MARCHF4: variants seen among roughly 807,000 people sequenced by gnomAD.
MARCHF4 encodes the protein E3 ubiquitin-protein ligase MARCHF4.
MARCHF4 carries 14 observed loss-of-function variants against 43.9 expected under a neutral mutation model. That is an observed-to-expected ratio of 0.32 (90% CI 0.21 to 0.50). MARCHF4 has a LOEUF of 0.50. Ranked by LOEUF, MARCHF4 falls within the 20% of genes least tolerant of loss-of-function variation. The pLI, the probability that MARCHF4 is intolerant of heterozygous loss-of-function variation, is 0.98. For missense variants in MARCHF4, 468 were observed against 536.7 expected (o/e 0.87, Z 1.27); for synonymous variants, 226 against 213.3 (o/e 1.06, Z -0.52).
At chr2:216,281,156 CCTCTTGTG>C (rs1691121892) in intron 2 of MARCHF4, among the ~76,000 whole-genome samples, 1 of 148,496 alleles carries the variant, frequency 6.7e-6, no homozygotes, top group Non-Finnish European at 1.5e-5. Flanking sequence ...ACAACCTAGA[CCTCTTGTG>C]CTCAAATAAT....
chr2:216,274,982 G>T (rs935981112), intron 3 of MARCHF4, among the ~76,000 whole-genome samples: 1 of 152,190 alleles, frequency 6.6e-6, no homozygotes, highest in African/African-American at 2.4e-5. Context: ...AGCAAGTAGG[G>T]TCCCTCTGCA....
At chr2:216,322,012 A>G (rs1409615401) in intron 1 of MARCHF4, among the ~76,000 whole-genome samples, 1 of 152,196 alleles carries the variant, frequency 6.6e-6, no homozygotes, top group Non-Finnish European at 1.5e-5. Flanking sequence ...CCTTTGTTTT[A>G]CAAGTTGCTG....
At chr2:216,274,576 A>G (rs984346597) in intron 3 of MARCHF4, among the ~76,000 whole-genome samples, 3 of 152,206 alleles carry the variant, frequency 2.0e-5, no homozygotes, top group Non-Finnish European at 4.4e-5. Flanking sequence ...ACTGGTTATC[A>G]TCATTTTACC....
chr2:216,266,872 A>T (rs1690853520), intron 3 of MARCHF4, among the ~76,000 whole-genome samples: 1 of 152,208 alleles, frequency 6.6e-6, no homozygotes, highest in African/African-American at 2.4e-5. Flanking sequence ...GTGCAGCTTT[A>T]TACTGGACAC....
intron 1 of MARCHF4, among the ~76,000 whole-genome samples, chr2:216,284,792 A>G (rs1691193141): frequency 4.0e-5 from 6 of 151,506 alleles, no homozygotes; most frequent in Admixed American, 3.9e-4. Flanking sequence ...TTCCATTTCA[A>G]CTCCTATCAT....
intron 1 of MARCHF4, among the ~76,000 whole-genome samples, chr2:216,311,844 C>T (rs546549668): frequency 2.8e-4 from 42 of 152,158 alleles, no homozygotes; most frequent in East Asian, 3.9e-4. Context: ...TCACTTTCTG[C>T]TCAGGATTAG....
At chr2:216,360,662 A>G (rs1331841964) in intron 1 of MARCHF4, among the ~76,000 whole-genome samples, 1 of 152,206 alleles carries the variant, frequency 6.6e-6, no homozygotes, top group Non-Finnish European at 1.5e-5. Context: ...ACCATTCTGT[A>G]TGATACCATA....
At chr2:216,349,605 G>C (rs1410782983) in intron 1 of MARCHF4, among the ~76,000 whole-genome samples, 1 of 152,202 alleles carries the variant, frequency 6.6e-6, no homozygotes, top group Non-Finnish European at 1.5e-5. Context: ...CATGTGACAG[G>C]CTAGGGCTTG....
At chr2:216,302,399 T>G (rs931560185) in intron 1 of MARCHF4, among the ~76,000 whole-genome samples, 26 of 151,346 alleles carry the variant, frequency 1.7e-4, no homozygotes, top group African/African-American at 5.3e-4. Context: ...TTTTTTTTTT[T>G]TTGTATTTTT....
Position 216,327,544 on chromosome 2 carries a change from G to C in MARCHF4, c.516+42201C>G, listed in dbSNP as rs145689055. ...AGTTGGTTTTATTTTTAGATCTCCAGGGAAAGCTTTTCTGCAACCTCTCTC... is the reference window on the plus strand; with the variant it reads ...AGTTGGTTTTATTTTTAGATCTCCACGGAAAGCTTTTCTGCAACCTCTCTC... On this transcript the variant is annotated intron_variant, in intron 1 of 3. Coordinates refer to ENST00000273067, the MANE Select transcript of MARCHF4 (RefSeq NM_020814.3). 4.4e-3 allele frequency among the ~76,000 whole-genome samples: 673 copies of C among 152,270 alleles called. 20 individuals carry two copies. The highest frequency in any genetic ancestry group is 0.038 in the Admixed American group (588 of 15,298).
intron 1 of MARCHF4, among the ~76,000 whole-genome samples, chr2:216,313,431 T>C (rs1691721719): frequency 6.6e-6 from 1 of 152,224 alleles, no homozygotes; most frequent in African/African-American, 2.4e-5. Context: ...TTATTCCTAG[T>C]GTGCTACTTT....
At chr2:216,336,269 A>G (rs1210778960) in intron 1 of MARCHF4, among the ~76,000 whole-genome samples, 7 of 152,136 alleles carry the variant, frequency 4.6e-5, no homozygotes, top group Non-Finnish European at 1.0e-4. Flanking sequence ...AAACCGAAAG[A>G]TTTTTGTTTA....
chr2:216,305,835 G>T (rs56038023), intron 1 of MARCHF4, among the ~76,000 whole-genome samples: 12 of 152,116 alleles, frequency 7.9e-5, no homozygotes, highest in Non-Finnish European at 1.2e-4. Flanking sequence ...TACTCAGCCC[G>T]TCGGAGGAAT....
At chr2:216,279,089 A>G (rs573562216) in intron 2 of MARCHF4, among the ~76,000 whole-genome samples, 1 of 152,366 alleles carries the variant, frequency 6.6e-6, no homozygotes, top group African/African-American at 2.4e-5. Flanking sequence ...CCTGCAATTT[A>G]TCAAGGGTAA....
intron 1 of MARCHF4, among the ~76,000 whole-genome samples, chr2:216,325,773 C>T (rs1691979824): frequency 6.7e-6 from 1 of 149,978 alleles, no homozygotes; most frequent in African/African-American, 2.4e-5. Context: ...AAAGCTGAAA[C>T]TGGATCCCTT....
intron 1 of MARCHF4, among the ~76,000 whole-genome samples, chr2:216,336,493 G>GT (rs1441292786): frequency 6.6e-6 from 1 of 152,032 alleles, no homozygotes; most frequent in African/African-American, 2.4e-5. Flanking sequence ...ATGTTAATCA[G>GT]TACATTTGTT....
chr2:216,345,124 G>A (rs1692299059), intron 1 of MARCHF4, among the ~76,000 whole-genome samples: 1 of 151,982 alleles, frequency 6.6e-6, no homozygotes, highest in African/African-American at 2.4e-5. Flanking sequence ...ACATCAACAA[G>A]TAAAGAAACA....
intron 1 of MARCHF4, among the ~76,000 whole-genome samples, chr2:216,353,559 T>C (rs1397968372): frequency 6.6e-6 from 1 of 152,190 alleles, no homozygotes; most frequent in Non-Finnish European, 1.5e-5. Flanking sequence ...TCTTCTTCTT[T>C]TTTTCTGCGA....
At chr2:216,321,590 A>G (rs1691896170) in intron 1 of MARCHF4, 1 of 152,126 alleles carries the variant, frequency 6.6e-6, no homozygotes, top group Admixed American at 6.6e-5. Flanking sequence ...GGAAACCTGA[A>G]TCTTGTTAAA....
Sources: gnomAD v4.1 joint callset for allele counts (sites outside exome capture counted in the v4.1 genomes callset) on GRCh38, gnomAD v4.1.1 for gene constraint, MANE v1.5 for transcripts, NCBI Gene and HGNC (gene_info 2026-07-23, HGNC 2026-07-21) for gene names.